The following TBCK variants were observed in gnomAD, a reference collection of about 807,000 sequenced individuals.
The protein encoded by TBCK is TBC1 domain containing kinase, also known as TBC domain-containing protein kinase-like protein.
A neutral mutation model predicts 113.4 loss-of-function variants in TBCK; 99 were observed. That is an observed-to-expected ratio of 0.87 (90% CI 0.74 to 1.03). The LOEUF (loss-of-function observed/expected upper bound fraction) is 1.03. Among genes scored for constraint, TBCK ranks in the 50% least tolerant of loss-of-function variants. The pLI is 0.00. For synonymous variants in TBCK, 369 were observed against 370.8 expected (o/e 1.00, Z 0.05); for missense variants, 1,045 against 1,061.3 (o/e 0.98, Z 0.21).
At chr4:106,246,650 TAA>T (rs1304963951) in intron 10 of TBCK, among the ~76,000 whole-genome samples, 1 of 152,124 alleles carries the variant, frequency 6.6e-6, no homozygotes, top group African/African-American at 2.4e-5. Context: ...CAGGCTCACT[TAA>T]AGATTCAGAA....
intron 3 of TBCK, among the ~76,000 whole-genome samples, chr4:106,265,779 CTGTT>C (rs1762943205): frequency 6.6e-6 from 1 of 151,728 alleles, no homozygotes; most frequent in Non-Finnish European, 1.5e-5. Flanking sequence ...TCTCCAGGCT[CTGTT>C]TTTCTCGAAC....
At chr4:106,177,179 G>T (rs12511305) in intron 22 of TBCK, among the ~76,000 whole-genome samples, 3 of 151,510 alleles carry the variant, frequency 2.0e-5, no homozygotes. Flanking sequence ...TCATCTACCC[G>T]TTTTTTAAAT....
At position 106,205,391 on chromosome 4, in the gene TBCK, A is replaced by C. The variant is rs77199281; in HGVS notation, c.1860+7359T>G. Among the ~76,000 whole-genome samples the C allele has an allele frequency of 7.0e-3, 1,071 of 152,160 alleles. 10 individuals carry two copies. The highest frequency in any genetic ancestry group is 0.024 in the African/African-American group (997 of 41,510). ...GCAAGATAGAGTGATGGATTTTAGT[A>C]TAACAGAGTATGAGAAGTTCACTGA... On this transcript the variant is annotated intron_variant, in intron 20 of 25. Coordinates refer to ENST00000394708, the MANE Select transcript of TBCK (RefSeq NM_001163435.3).
intron 23 of TBCK, among the ~76,000 whole-genome samples, chr4:106,157,969 C>T (rs1000044866): frequency 6.6e-6 from 1 of 152,028 alleles, no homozygotes; most frequent in Non-Finnish European, 1.5e-5. Context: ...GACATAGAGG[C>T]CTTAAAGCAG....
At chr4:106,085,671 G>A (rs1012452740) in intron 25 of TBCK, among the ~76,000 whole-genome samples, 2 of 152,144 alleles carry the variant, frequency 1.3e-5, no homozygotes, top group African/African-American at 2.4e-5. Context: ...GTGCCACATG[G>A]CACTTATTCT....
intron 24 of TBCK, among the ~76,000 whole-genome samples, chr4:106,107,057 T>C (rs898162663): frequency 6.6e-6 from 1 of 151,658 alleles, no homozygotes; most frequent in African/African-American, 2.4e-5. Flanking sequence ...CATTATATAA[T>C]GGTAAAGGGT....
At chr4:106,080,846 G>A (rs1161420268) in intron 25 of TBCK, among the ~76,000 whole-genome samples, 1 of 151,876 alleles carries the variant, frequency 6.6e-6, no homozygotes, top group Non-Finnish European at 1.5e-5. Context: ...AAACCCATTA[G>A]AAAGTGGACA....
chr4:106,041,661 G>A lies in TBCK; in HGVS notation c.*4909C>T, dbSNP rs753542022. On this transcript the variant is annotated 3_prime_UTR_variant, in exon 26 of 26. Coordinates refer to ENST00000394708, the MANE Select transcript of TBCK (RefSeq NM_001163435.3). ...TAGAATAGAACAGTATTATTGAAAT[G>A]CTGCAGACAATGCAAACTAATAATA... 22 of 152,124 alleles carry A rather than the reference G, an allele frequency of 1.4e-4. No individual in the cohort carries two copies. The highest frequency in any genetic ancestry group is 2.8e-4 in the Non-Finnish European group (19 of 68,020). 9.4% of individuals were successfully genotyped at this position (152,124 alleles called of 1,614,324 possible). A position where few individuals can be genotyped will look rare whatever the true frequency, so the allele number is the denominator to read the frequency against.
chr4:106,057,168 G>T lies in TBCK; in HGVS notation c.2572-10488C>A, dbSNP rs145517186. ...TATTGTCTCTTCCTCACAGCCTTGT[G>T]AGCTTTGTTCACTCTGAGGGCTACC... On this transcript the variant is annotated intron_variant, in intron 25 of 25. Transcript: ENST00000394708. Among the ~76,000 whole-genome samples the T allele has an allele frequency of 1.3e-4, 19 of 151,728 alleles. 1 individual carries two copies. The East Asian group carries it at 3.5e-3, about 28-fold the overall frequency.
chr4:106,085,184 G>C (rs751130370), intron 25 of TBCK, among the ~76,000 whole-genome samples: 3 of 152,138 alleles, frequency 2.0e-5, no homozygotes, highest in Non-Finnish European at 4.4e-5. Context: ...CCATTGGTGT[G>C]CTGTATTCAG....
Position 106,095,637 on chromosome 4 carries a change from TAA to T in TBCK, c.2414_2415del (p.Phe805TyrfsTer52). On this transcript the variant is annotated frameshift_variant and splice_region_variant, in exon 25 of 26. Coordinates refer to ENST00000394708, the MANE Select transcript of TBCK (RefSeq NM_001163435.3). LOFTEE classifies it high-confidence loss of function. The part of the protein sequence containing the change: ...LVVDIRNSED[F>X]IRGHISGSIN... ...ATGCTTCCTGAAATGTGACCACGAA[TAA>T]AGCTGAGAAGGAAAGTTTAAGGAAA... The T allele has an allele frequency of 1.2e-6, 2 of 1,612,486 alleles. No homozygotes were observed. The highest frequency in any genetic ancestry group is 2.2e-5 in the South Asian group (2 of 90,652).
At chr4:106,233,541 T>C in intron 16 of TBCK, 47 bp downstream of exon 16, 1 of 1,486,906 alleles carries the variant, frequency 6.7e-7, no homozygotes, top group Non-Finnish European at 9.3e-7. Flanking sequence ...AAAATTTAAA[T>C]ATTTGGCAGA....
Position 106,138,912 on chromosome 4 carries a change from T to C in TBCK, c.2236-22534A>G, listed in dbSNP as rs1218353993. Among the ~76,000 whole-genome samples, 2 of 140,976 alleles carry C rather than the reference T, an allele frequency of 1.4e-5. 1 individual carries two copies. Among genetic ancestry groups the C allele is most frequent in the Non-Finnish European group, 3.2e-5 (2 of 61,982 alleles). 92.5% of individuals were successfully genotyped at this position (140,976 alleles called of 152,430 possible). ...GGTCAAGTTTCAATGGCAATACTGATCTGGAGTTTCAGTGAGTAGAGTCAG... is the reference window on the plus strand; with the variant it reads ...GGTCAAGTTTCAATGGCAATACTGACCTGGAGTTTCAGTGAGTAGAGTCAG... On this transcript the variant is annotated intron_variant, in intron 23 of 25. Coordinates refer to ENST00000394708, the MANE Select transcript of TBCK (RefSeq NM_001163435.3).
At chr4:106,085,693 A>G (rs1739417051) in intron 25 of TBCK, among the ~76,000 whole-genome samples, 3 of 152,352 alleles carry the variant, frequency 2.0e-5, no homozygotes, top group African/African-American at 7.2e-5. Context: ...AAATTCAACC[A>G]CATAATTGGA....
chr4:106,131,045 A>G (rs1745855262), intron 23 of TBCK, among the ~76,000 whole-genome samples: 1 of 152,150 alleles, frequency 6.6e-6, no homozygotes, highest in Admixed American at 6.5e-5. Context: ...CATGTCAAAG[A>G]TAGGGCCAGG....
At chr4:106,281,394 T>C (rs1487050584) in intron 3 of TBCK, among the ~76,000 whole-genome samples, 1 of 152,122 alleles carries the variant, frequency 6.6e-6, no homozygotes, top group Non-Finnish European at 1.5e-5. Flanking sequence ...CTTTCCAATT[T>C]GCATGCCCTT....
At chr4:106,265,989 A>G (rs907016221) in intron 3 of TBCK, among the ~76,000 whole-genome samples, 2 of 151,872 alleles carry the variant, frequency 1.3e-5, no homozygotes, top group Non-Finnish European at 2.9e-5. Context: ...TTAAAGTGCC[A>G]TATCACTGAG....
chr4:106,181,859 T>A (rs1430905058), intron 22 of TBCK, among the ~76,000 whole-genome samples: 2 of 152,154 alleles, frequency 1.3e-5, no homozygotes, highest in Admixed American at 1.3e-4. Flanking sequence ...GGGCTCTTTT[T>A]TGGTTCCATA....
intron 2 of TBCK, chr4:106,297,669 T>C (rs896233857): frequency 2.0e-5 from 3 of 152,242 alleles, no homozygotes; most frequent in Non-Finnish European, 4.4e-5. Flanking sequence ...CCAACTTCCA[T>C]CACACTGATC....
Sources: gnomAD v4.1 joint callset for allele counts (sites outside exome capture counted in the v4.1 genomes callset) on GRCh38, gnomAD v4.1.1 for gene constraint, MANE v1.5 for transcripts, NCBI Gene and HGNC (gene_info 2026-07-23, HGNC 2026-07-21) for gene names.